CSTPP1: variants seen among roughly 807,000 people sequenced by gnomAD.
The protein encoded by CSTPP1 is UPF0705 protein C11orf49.
At chr11:47,051,105 T>G in the CSTPP1 span, among the ~76,000 whole-genome samples, 1 of 152,250 alleles carries the variant, frequency 6.6e-6, no homozygotes, top group South Asian at 2.1e-4. Context: ...AGAGTCAGAT[T>G]TTTCCCCCCC....
At chr11:47,023,972 A>G in the CSTPP1 span, among the ~76,000 whole-genome samples, 1 of 152,186 alleles carries the variant, frequency 6.6e-6, no homozygotes, top group African/African-American at 2.4e-5. Flanking sequence ...TATACCCAGA[A>G]GTGGAATTAC....
the CSTPP1 span, among the ~76,000 whole-genome samples, chr11:47,028,706 T>C: frequency 6.6e-6 from 1 of 152,242 alleles, no homozygotes; most frequent in African/African-American, 2.4e-5. Flanking sequence ...CCAAATTCTA[T>C]AGCTGATAGG....
At chr11:47,049,865 G>T in the CSTPP1 span, among the ~76,000 whole-genome samples, 1 of 151,640 alleles carries the variant, frequency 6.6e-6, no homozygotes, top group Non-Finnish European at 1.5e-5. Context: ...GGGTAGAAAA[G>T]AATTAAAACA....
At chr11:47,072,181 G>C in the CSTPP1 span, among the ~76,000 whole-genome samples, 1 of 152,194 alleles carries the variant, frequency 6.6e-6, no homozygotes. Flanking sequence ...GTTGGCTGCT[G>C]TTCCCAGCAC....
chr11:47,126,045 T>C, the CSTPP1 span, among the ~76,000 whole-genome samples: 1 of 152,078 alleles, frequency 6.6e-6, no homozygotes, highest in Middle Eastern at 3.2e-3. Flanking sequence ...GAAGTATTTT[T>C]TATATATATA....
chr11:47,000,996 A>G, the CSTPP1 span, among the ~76,000 whole-genome samples: 1 of 152,340 alleles, frequency 6.6e-6, no homozygotes, highest in East Asian at 1.9e-4. Context: ...ACAAATAACA[A>G]GAAAACAGCC....
chr11:46,972,655 G>A, the CSTPP1 span, among the ~76,000 whole-genome samples: 1 of 152,162 alleles, frequency 6.6e-6, no homozygotes, highest in African/African-American at 2.4e-5. Context: ...CATATTTTAT[G>A]TGCTGCCTCT....
chr11:47,147,084 G>A, the CSTPP1 span, among the ~76,000 whole-genome samples: 1 of 152,204 alleles, frequency 6.6e-6, no homozygotes, highest in African/African-American at 2.4e-5. Flanking sequence ...GGGTGCACAG[G>A]TGGCTGAAAT....
At chr11:47,161,471 C>G in the CSTPP1 span, 1 of 1,613,872 alleles carries the variant, frequency 6.2e-7, no homozygotes, top group Non-Finnish European at 8.5e-7. Context: ...CAGGCTGGCC[C>G]AGGTCCCAGG....
the CSTPP1 span, chr11:47,138,167 A>G: frequency 5.8e-6 from 1 of 172,442 alleles, no homozygotes; most frequent in Non-Finnish European, 1.2e-5. Context: ...GAAACTTACA[A>G]TCGTGGTGGA....
At chr11:46,987,578 C>A in the CSTPP1 span, 1 of 323,562 alleles carries the variant, frequency 3.1e-6, no homozygotes, top group East Asian at 5.0e-5. Context: ...CTGTAGGTTT[C>A]TCTTTTAACT....
chr11:47,157,012 C>G, the CSTPP1 span: 2 of 1,613,948 alleles, frequency 1.2e-6, no homozygotes, highest in East Asian at 2.2e-5. Flanking sequence ...CCCCCACCCC[C>G]ACGGTTCCAG....
At chr11:47,095,378 C>T in the CSTPP1 span, among the ~76,000 whole-genome samples, 1 of 152,210 alleles carries the variant, frequency 6.6e-6, no homozygotes, top group Non-Finnish European at 1.5e-5. Flanking sequence ...GAAAAATACT[C>T]ACATGATTAT....
the CSTPP1 span, among the ~76,000 whole-genome samples, chr11:46,938,771 TTTC>T: frequency 1.4e-4 from 19 of 135,394 alleles, no homozygotes; most frequent in East Asian, 4.1e-4. Context: ...CTTTTTTTTT[TTTC>T]TTCTTCTTTT....
the CSTPP1 span, among the ~76,000 whole-genome samples, chr11:47,070,098 C>A: frequency 6.6e-6 from 1 of 152,068 alleles, no homozygotes; most frequent in African/African-American, 2.4e-5. Context: ...GTAGATCTAC[C>A]AAGCCAGGCA....
chr11:47,158,883 C>T, the CSTPP1 span, among the ~76,000 whole-genome samples: 1 of 152,132 alleles, frequency 6.6e-6, no homozygotes, highest in Non-Finnish European at 1.5e-5. Flanking sequence ...TGCTTGGGAT[C>T]CCAGGTGCCT....
the CSTPP1 span, among the ~76,000 whole-genome samples, chr11:47,045,597 AG>A: frequency 2.0e-5 from 3 of 152,310 alleles, no homozygotes; most frequent in African/African-American, 7.2e-5. Context: ...GAAAGGTCCC[AG>A]GATTTCAGAT....
the CSTPP1 span, among the ~76,000 whole-genome samples, chr11:46,974,857 AACACACACACACACACAC>A: frequency 2.8e-4 from 40 of 144,214 alleles, no homozygotes; most frequent in African/African-American, 4.6e-4. Context: ...TCTATCTCAA[AACACACACACACACACAC>A]ACACACACAC....
At chr11:47,087,160 T>A in the CSTPP1 span, among the ~76,000 whole-genome samples, 2 of 152,186 alleles carry the variant, frequency 1.3e-5, no homozygotes, top group African/African-American at 2.4e-5. Context: ...CAAGCTTTTT[T>A]AAAAAATCAT....
Sources: allele counts gnomAD v4.1 joint callset (sites outside exome capture counted in the v4.1 genomes callset), GRCh38; gene constraint gnomAD v4.1.1; transcripts MANE v1.5; gene names NCBI Gene and HGNC (gene_info 2026-07-23, HGNC 2026-07-21).